The following TNFAIP8 variants were observed in gnomAD, a reference collection of about 807,000 sequenced individuals.
TNFAIP8 encodes tumor necrosis factor alpha-induced protein 8.
A neutral mutation model predicts 13.3 loss-of-function variants in TNFAIP8; 7 were observed. That is an observed-to-expected ratio of 0.52 (90% CI 0.30 to 0.99). TNFAIP8 has a LOEUF of 0.99. Ranked by LOEUF, TNFAIP8 falls within the 50% of genes least tolerant of loss-of-function variation. The pLI, the probability that TNFAIP8 is intolerant of heterozygous loss-of-function variation, is 0.07. For synonymous variants in TNFAIP8, 94 were observed against 87.6 expected, an observed-to-expected ratio of 1.07 and a Z score of -0.41; for missense variants, 258 against 236.9, an observed-to-expected ratio of 1.09 and a Z score of -0.58.
At chr5:119,367,055 T>C (rs1751886332) in intron 1 of TNFAIP8, among the ~76,000 whole-genome samples, 1 of 152,200 alleles carries the variant, frequency 6.6e-6, no homozygotes, top group Non-Finnish European at 1.5e-5. Flanking sequence ...AGAGGCAGCC[T>C]AGCTGAGCCC....
chr5:119,392,641 T>C (rs1752935512), intron 1 of TNFAIP8, among the ~76,000 whole-genome samples, 175 bp from the exon 2 acceptor site: 1 of 152,130 alleles, frequency 6.6e-6, no homozygotes, highest in Non-Finnish European at 1.5e-5. Context: ...TGTGAGCCAC[T>C]CCACCCAGCC....
chr5:119,330,873 C>G (rs558167141), intron 1 of TNFAIP8, among the ~76,000 whole-genome samples: 1 of 152,186 alleles, frequency 6.6e-6, no homozygotes, highest in South Asian at 2.1e-4. Context: ...ACTGCCAATG[C>G]CAGTTGCACT....
chr5:119,319,770 C>G (rs574487844), intron 1 of TNFAIP8, among the ~76,000 whole-genome samples: 1 of 152,262 alleles, frequency 6.6e-6, no homozygotes, highest in East Asian at 1.9e-4. Context: ...GGATTTGTAG[C>G]CCATGTCTAG....
At chr5:119,372,155 T>C (rs1752100927) in intron 1 of TNFAIP8, among the ~76,000 whole-genome samples, 1 of 148,328 alleles carries the variant, frequency 6.7e-6, no homozygotes, top group Non-Finnish European at 1.5e-5. Flanking sequence ...AAAAAACCCA[T>C]CTCCACAAAA....
In TNFAIP8 at chr5:119,326,168, A is replaced by G. The variant is rs563601938; in HGVS notation, c.1+57261A>G. Among the ~76,000 whole-genome samples, 3 of 152,330 alleles carry G rather than the reference A, an allele frequency of 2.0e-5. No individual in the cohort carries two copies. The South Asian group carries it at 6.2e-4, about 32-fold the overall frequency. On this transcript the variant is annotated intron_variant, in intron 1 of 1. Transcript: ENST00000274456. ...TGGATTCATTCATGCTGAATGAATG[A>G]AGAAATCACCCTGTCGTTTAGGAAT...
At chr5:119,331,689 T>C (rs1400827795) in intron 1 of TNFAIP8, among the ~76,000 whole-genome samples, 2 of 152,188 alleles carry the variant, frequency 1.3e-5, no homozygotes, top group Non-Finnish European at 2.9e-5. Context: ...TGTTTTCACA[T>C]AGGACTGCAG....
chr5:119,302,242 G>A (rs1291480123), intron 1 of TNFAIP8, among the ~76,000 whole-genome samples: 1 of 152,208 alleles, frequency 6.6e-6, no homozygotes, highest in African/African-American at 2.4e-5. Flanking sequence ...CTGCTCACTG[G>A]TACTTTATGA....
rs1048846618 is a variant in TNFAIP8 at position 119,289,458 on chromosome 5, A to G, written c.1+20551A>G. 2.6e-5 allele frequency among the ~76,000 whole-genome samples: 4 copies of G among 152,232 alleles called. No individual in the cohort carries two copies. The South Asian group carries it at 8.3e-4, about 31-fold the overall frequency. The stretch of plus-strand genomic sequence containing the variant: ...GGCTGTACTTAGCCATAACTTCAAG[A>G]GAAGACCTGTATTGGGCTGGAAACC... On this transcript the variant is annotated intron_variant, in intron 1 of 1. Coordinates refer to the TNFAIP8 transcript ENST00000274456.
intron 1 of TNFAIP8, among the ~76,000 whole-genome samples, chr5:119,381,639 G>T (rs1752488757): frequency 1.3e-5 from 2 of 152,110 alleles, no homozygotes; most frequent in African/African-American, 2.4e-5. Context: ...GTAGTAAGAA[G>T]GTCCACTCCT....
At chr5:119,303,391 G>C (rs559252790) in intron 1 of TNFAIP8, among the ~76,000 whole-genome samples, 3 of 152,242 alleles carry the variant, frequency 2.0e-5, no homozygotes, top group African/African-American at 7.2e-5. Flanking sequence ...TTCTCCCTCT[G>C]CTGTCTCATT....
At chr5:119,270,310 C>G (rs1455183839) in intron 1 of TNFAIP8, among the ~76,000 whole-genome samples, 4 of 152,254 alleles carry the variant, frequency 2.6e-5, no homozygotes, top group Admixed American at 6.5e-5. Context: ...GCAGTGTAAA[C>G]ATATGACTCC....
At chr5:119,356,909 G>T (rs1054962115) in intron 1 of TNFAIP8, among the ~76,000 whole-genome samples, 5 of 152,104 alleles carry the variant, frequency 3.3e-5, no homozygotes, top group Non-Finnish European at 7.4e-5. Context: ...TAAGTGGGGG[G>T]TGGGAGTAAG....
Position 119,370,457 on chromosome 5 carries a change from G to T in TNFAIP8, c.31+14336G>T, listed in dbSNP as rs536825956. The stretch of plus-strand genomic sequence containing the variant: ...ACACAGAGAAGTTAAAAGATAAATA[G>T]ACTTTATCAGACTTTGACAGTAAAT... On this transcript the variant is annotated intron_variant, in intron 1 of 1. Coordinates refer to ENST00000504771, the MANE Select transcript of TNFAIP8 (RefSeq NM_014350.4). Among the ~76,000 whole-genome samples, 5 of 152,286 alleles carry T rather than the reference G, an allele frequency of 3.3e-5. No individual in the cohort carries two copies. In the East Asian group the frequency reaches 7.7e-4, roughly 23 times the overall value.
upstream of TNFAIP8, chr5:119,356,007 G>A: frequency 1.3e-6 from 2 of 1,532,942 alleles, no homozygotes; most frequent in Non-Finnish European, 1.8e-6. Flanking sequence ...TCCGTCGTGT[G>A]CGGATTTCGC....
chr5:119,321,523 A>G (rs1003452199), intron 1 of TNFAIP8, among the ~76,000 whole-genome samples: 1 of 151,994 alleles, frequency 6.6e-6, no homozygotes, highest in Non-Finnish European at 1.5e-5. Context: ...CATGCCCTTT[A>G]CCCCACACTG....
rs1235287657 is a variant in TNFAIP8 at position 119,393,654 on chromosome 5, A to G, written c.*273A>G. On this transcript the variant is annotated 3_prime_UTR_variant, in exon 2 of 2. Transcript: ENST00000504771. Reference sequence around the variant, plus strand: ...TGCAAATGTAGTTATACAAAGAAAAATACAGATGTCTCCAGACCTGAGGAC... The same window carrying G: ...TGCAAATGTAGTTATACAAAGAAAAGTACAGATGTCTCCAGACCTGAGGAC... The G allele has an allele frequency of 5.1e-6, 2 of 390,960 alleles. No individual in the cohort carries two copies. The highest frequency in any genetic ancestry group is 2.0e-5 in the African/African-American group (1 of 49,448). 24.2% of individuals were successfully genotyped at this position (390,960 alleles called of 1,614,324 possible). A position where few individuals can be genotyped will look rare whatever the true frequency, so the allele number is the denominator to read the frequency against.
At chr5:119,366,250 A>G (rs577713463) in intron 1 of TNFAIP8, among the ~76,000 whole-genome samples, 1 of 152,086 alleles carries the variant, frequency 6.6e-6, no homozygotes, top group South Asian at 2.1e-4. Context: ...CAGCTTGCTT[A>G]TTTTGTTTGA....
At chr5:119,388,929 C>T (rs1459944234) in intron 1 of TNFAIP8, among the ~76,000 whole-genome samples, 1 of 152,078 alleles carries the variant, frequency 6.6e-6, no homozygotes, top group Non-Finnish European at 1.5e-5. Flanking sequence ...CAGGTGTGAG[C>T]CACTGCGCCC....
chr5:119,317,120 C>A (rs1002092403), intron 1 of TNFAIP8, among the ~76,000 whole-genome samples: 36 of 152,116 alleles, frequency 2.4e-4, no homozygotes, highest in African/African-American at 8.5e-4. Context: ...TTGCCTCTGC[C>A]CTTTGAGCCT....
Sources: gnomAD v4.1 joint callset for allele counts (sites outside exome capture counted in the v4.1 genomes callset) on GRCh38, gnomAD v4.1.1 for gene constraint, MANE v1.5 for transcripts, NCBI Gene and HGNC (gene_info 2026-07-23, HGNC 2026-07-21) for gene names.